The following MAP2K5 variants were observed in gnomAD, a reference collection of about 807,000 sequenced individuals.
MAP2K5 encodes dual specificity mitogen-activated protein kinase kinase 5.
Under a neutral mutation model 83.1 loss-of-function variants are expected in MAP2K5, and 49 were observed. The ratio of observed to expected loss-of-function variants is 0.59; its 90% CI spans 0.47 to 0.75. MAP2K5 has a LOEUF of 0.75. Among genes scored for constraint, MAP2K5 ranks in the 30% least tolerant of loss-of-function variants. MAP2K5 has a pLI of 0.00. For synonymous variants in MAP2K5, 202 were observed against 191.8 expected (o/e 1.05, Z -0.44); for missense variants, 457 against 557.5 (o/e 0.82, Z 1.82).
chr15:67,799,255 C>T (rs141613784), intron 21 of MAP2K5, among the ~76,000 whole-genome samples: 4 of 152,390 alleles, frequency 2.6e-5, no homozygotes, highest in Non-Finnish European at 4.4e-5. Flanking sequence ...ACTCTGCATT[C>T]GTGGCATTTG....
intron 9 of MAP2K5, among the ~76,000 whole-genome samples, chr15:67,635,330 A>C (rs1004400355): frequency 6.6e-6 from 1 of 151,428 alleles, no homozygotes; most frequent in African/African-American, 2.4e-5. Flanking sequence ...GCCTGCCACC[A>C]CGCCCGGCTA....
In MAP2K5 at chr15:67,747,293, C is replaced by G. The variant is rs1014932329; in HGVS notation, c.1075-938C>G. Among the ~76,000 whole-genome samples, 3 of 152,194 alleles carry G rather than the reference C, an allele frequency of 2.0e-5. No individual in the cohort carries two copies. The highest frequency in any genetic ancestry group is 7.2e-5 in the African/African-American group (3 of 41,428). ...TTATTACTAGTTTCCCTGTATTTTA[C>G]CGGCTGGTTGGAGCCCAGTTATCTC... On this transcript the variant is annotated intron_variant, in intron 17 of 21. Coordinates refer to ENST00000178640, the MANE Select transcript of MAP2K5 (RefSeq NM_145160.3). The surrounding 1 kb of genome is among the most constrained non-coding windows in gnomAD (Gnocchi z 4.1).
rs922414009 is a variant in MAP2K5 at position 67,755,556 on chromosome 15, C to A, written c.1134+6955C>A. Among the ~76,000 whole-genome samples the A allele has an allele frequency of 5.3e-5, 8 of 152,172 alleles. No individual in the cohort carries two copies. The highest frequency in any genetic ancestry group is 1.0e-4 in the Non-Finnish European group (7 of 68,026). Reference sequence around the variant, plus strand: ...CTTCACTAGCATTTCTAGAAAGCATCAGGGGAGCCATGTCCAAGTGAAGAG... The same window carrying A: ...CTTCACTAGCATTTCTAGAAAGCATAAGGGGAGCCATGTCCAAGTGAAGAG... On this transcript the variant is annotated intron_variant, in intron 19 of 21. Transcript: ENST00000178640. This position sits in a 1 kb window ranked among gnomAD's most constrained non-coding sequence, Gnocchi z 4.7.
At chr15:67,674,255 A>G (rs1053700510) in intron 13 of MAP2K5, among the ~76,000 whole-genome samples, 2 of 152,148 alleles carry the variant, frequency 1.3e-5, no homozygotes, top group African/African-American at 4.8e-5. Flanking sequence ...TGAGAGAGCT[A>G]GTATGTGCGT....
chr15:67,671,904 CAT>C (rs2087549316), intron 13 of MAP2K5, among the ~76,000 whole-genome samples: 1 of 147,876 alleles, frequency 6.8e-6, no homozygotes, highest in East Asian at 2.0e-4. Flanking sequence ...TGAGTGAAAA[CAT>C]GTGGTGTTTG....
At position 67,670,544 on chromosome 15, in the gene MAP2K5, C is replaced by A. The variant is rs1024977339; in HGVS notation, c.847+5899C>A. The A allele has an allele frequency of 2.3e-5, 10 of 441,924 alleles. No individual in the cohort carries two copies. In the East Asian group the frequency reaches 7.0e-4, roughly 31 times the overall value. The allele number at this position is 441,924 out of a possible 1,614,324, so 27.4% of individuals were successfully genotyped here. On this transcript the variant is annotated intron_variant, in intron 13 of 21. Coordinates refer to ENST00000178640, the MANE Select transcript of MAP2K5 (RefSeq NM_145160.3). The stretch of plus-strand genomic sequence containing the variant: ...TTACAGAGAAAAGCTCTTCTTACAT[C>A]TTAGCAGTGCAGTAGACACTCTAGA...
At position 67,738,823 on chromosome 15, in the gene MAP2K5, A is replaced by G. The variant is rs1002300310; in HGVS notation, c.1075-9408A>G. On this transcript the variant is annotated intron_variant, in intron 17 of 21. Transcript: ENST00000178640. The surrounding 1 kb of genome is among the most constrained non-coding windows in gnomAD (Gnocchi z 4.1). ...GAAAAATGCTGGACAGGATATTTCT[A>G]TGGTCTGCTTTCACCTTAGATGAGC... 5.3e-5 allele frequency among the ~76,000 whole-genome samples: 8 copies of G among 152,192 alleles called. No individual in the cohort carries two copies. The highest frequency in any genetic ancestry group is 1.7e-4 in the African/African-American group (7 of 41,452).
At chr15:67,691,661 T>A (rs1248693151) in intron 13 of MAP2K5, among the ~76,000 whole-genome samples, 1 of 152,222 alleles carries the variant, frequency 6.6e-6, no homozygotes, top group Non-Finnish European at 1.5e-5. Context: ...AAAAGTGGTA[T>A]GCTCTTGTCC....
chr15:67,767,925 G>A (rs2090071225), intron 19 of MAP2K5, among the ~76,000 whole-genome samples: 1 of 152,120 alleles, frequency 6.6e-6, no homozygotes, highest in Admixed American at 6.6e-5. Context: ...CTCTACTGAT[G>A]AGAATTTTAA....
chr15:67,715,793 A>C (rs2088815932), intron 16 of MAP2K5, among the ~76,000 whole-genome samples: 1 of 152,210 alleles, frequency 6.6e-6, no homozygotes, highest in East Asian at 1.9e-4. Flanking sequence ...AAGCTAAAAC[A>C]AAAGCCAAAA....
chr15:67,739,036 T>C (rs2089408588), intron 17 of MAP2K5, among the ~76,000 whole-genome samples: 2 of 152,094 alleles, frequency 1.3e-5, no homozygotes, highest in African/African-American at 4.8e-5. Flanking sequence ...TCCTAGCACT[T>C]TGGGAGCCCA....
At chr15:67,787,286 G>A (rs1300763306) in intron 21 of MAP2K5, among the ~76,000 whole-genome samples, 1 of 152,354 alleles carries the variant, frequency 6.6e-6, no homozygotes. Flanking sequence ...ACCGAGTTCA[G>A]CGCTTGTAGC....
At chr15:67,589,035 G>A (rs541848859) in intron 6 of MAP2K5, among the ~76,000 whole-genome samples, 1 of 151,716 alleles carries the variant, frequency 6.6e-6, no homozygotes, top group Non-Finnish European at 1.5e-5. Context: ...TGTAGAGACG[G>A]GGTCTCACTG....
At chr15:67,582,136 A>G (rs1043481570) in intron 4 of MAP2K5, among the ~76,000 whole-genome samples, 1 of 141,476 alleles carries the variant, frequency 7.1e-6, no homozygotes, top group Non-Finnish European at 1.5e-5. Context: ...ATCTCAGCTC[A>G]CCGCAACCTC....
At chr15:67,732,689 C>T (rs1343010072) in intron 17 of MAP2K5, among the ~76,000 whole-genome samples, 1 of 151,928 alleles carries the variant, frequency 6.6e-6, no homozygotes, top group Non-Finnish European at 1.5e-5. Flanking sequence ...TTCCGACTCC[C>T]CGCTGCTGCA....
chr15:67,776,515 G>A (rs889087913), intron 21 of MAP2K5, among the ~76,000 whole-genome samples: 3 of 152,120 alleles, frequency 2.0e-5, no homozygotes, highest in Non-Finnish European at 2.9e-5. Flanking sequence ...GGGAGACAGC[G>A]ATAATGCAAA....
In MAP2K5 at chr15:67,785,092, A is replaced by G. The variant is rs374025700; in HGVS notation, c.1242+12340A>G. Among the ~76,000 whole-genome samples, 25 of 152,232 alleles carry G rather than the reference A, an allele frequency of 1.6e-4. No individual in the cohort carries two copies. Among genetic ancestry groups the G allele is most frequent in the African/African-American group, 6.0e-4 (25 of 41,540 alleles). On this transcript the variant is annotated intron_variant, in intron 21 of 21. Coordinates refer to ENST00000178640, the MANE Select transcript of MAP2K5 (RefSeq NM_145160.3). The surrounding 1 kb of genome is among the most constrained non-coding windows in gnomAD (Gnocchi z 4.4). ...CTTCCTTGAGTAGCTGAGACTACAC[A>G]TGAACAACACTATGGCTAATTTTTG...
chr15:67,718,637 A>C (rs1464901283), intron 16 of MAP2K5, among the ~76,000 whole-genome samples: 1 of 152,028 alleles, frequency 6.6e-6, no homozygotes, highest in East Asian at 1.9e-4. Context: ...GGTGGTATGC[A>C]CCTGTAATCC....
At chr15:67,700,323 G>A (rs760566063) in intron 15 of MAP2K5, among the ~76,000 whole-genome samples, 1 of 152,068 alleles carries the variant, frequency 6.6e-6, no homozygotes, top group Admixed American at 6.6e-5. Flanking sequence ...TTAAGAACAG[G>A]TCAGGGTTTT....
Sources: allele counts gnomAD v4.1 joint callset (sites outside exome capture counted in the v4.1 genomes callset), GRCh38; gene constraint gnomAD v4.1.1; non-coding constraint Gnocchi (gnomAD v3.1); transcripts MANE v1.5; gene names NCBI Gene and HGNC (gene_info 2026-07-23, HGNC 2026-07-21).